Variants in WWOX observed in about 807,000 individuals in gnomAD.
WWOX encodes WW domain-containing oxidoreductase.
Under a neutral mutation model 46.2 loss-of-function variants are expected in WWOX, and 69 were observed. The ratio of observed to expected loss-of-function variants is 1.49; its 90% CI spans 1.23 to 1.82. The LOEUF is 1.82. WWOX is among the 40% of genes most tolerant of loss of function. The pLI, the probability that WWOX is intolerant of heterozygous loss-of-function variation, is 0.00. For synonymous variants in WWOX, 359 were observed against 202.6 expected, an observed-to-expected ratio of 1.77 and a Z score of -6.56; for missense variants, 919 against 542.6, an observed-to-expected ratio of 1.69 and a Z score of -6.89.
At chr16:78,535,208 T>C (rs2043729549) in intron 8 of WWOX, 1 of 152,196 alleles carries the variant, frequency 6.6e-6, no homozygotes, top group Non-Finnish European at 1.5e-5. Flanking sequence ...CAGGATCTGC[T>C]CAGGGAGATA....
intron 8 of WWOX, among the ~76,000 whole-genome samples, chr16:78,463,996 C>G (rs1336465531): frequency 6.6e-6 from 1 of 152,098 alleles, no homozygotes; most frequent in South Asian, 2.1e-4. Context: ...GGTTGTTGAT[C>G]TGGCGGTCAG....
In WWOX at chr16:78,501,253, TAAA is replaced by T. The variant is rs546816049; in HGVS notation, c.1056+68509_1056+68511del. Among the ~76,000 whole-genome samples, 762 of 122,820 alleles carry T rather than the reference TAAA, an allele frequency of 6.2e-3. 9 individuals carry two copies. Among genetic ancestry groups the T allele is most frequent in the African/African-American group, 0.021 (735 of 35,340 alleles). The allele number at this position is 122,820 out of a possible 152,430, so 80.6% of individuals were successfully genotyped here. A position where few individuals can be genotyped will look rare whatever the true frequency, so the allele number is the denominator to read the frequency against. ...ACCTGCATGTTGTAAAAACACAAAA[TAAA>T]AAAAAAATAAATAAAAGCAGACCCC... On this transcript the variant is annotated intron_variant, in intron 8 of 8. Transcript: ENST00000566780.
chr16:78,951,695 C>T (rs573345023), intron 8 of WWOX, among the ~76,000 whole-genome samples: 15 of 152,262 alleles, frequency 9.9e-5, no homozygotes, highest in Non-Finnish European at 1.9e-4. Context: ...CGGTTCTACC[C>T]AGTACCGGGG....
intron 8 of WWOX, among the ~76,000 whole-genome samples, chr16:78,947,381 C>CT (rs2045970394): frequency 1.3e-5 from 2 of 151,358 alleles, no homozygotes; most frequent in Non-Finnish European, 2.9e-5. Context: ...TCTTCCCCCC[C>CT]TTAGCTGTAT....
intron 8 of WWOX, among the ~76,000 whole-genome samples, chr16:78,569,339 A>G (rs921744084): frequency 6.6e-6 from 1 of 152,184 alleles, no homozygotes; most frequent in Non-Finnish European, 1.5e-5. Context: ...CACTGTTCAA[A>G]CTTGACATCC....
chr16:78,521,643 C>T (rs917901338), intron 8 of WWOX, among the ~76,000 whole-genome samples: 2 of 152,138 alleles, frequency 1.3e-5, no homozygotes, highest in Non-Finnish European at 2.9e-5. Context: ...AGAAATGGAA[C>T]ATCAATATTG....
chr16:79,114,797 C>G (rs1300617123), intron 8 of WWOX, among the ~76,000 whole-genome samples: 1 of 152,178 alleles, frequency 6.6e-6, no homozygotes, highest in Non-Finnish European at 1.5e-5. Flanking sequence ...CGAGCAGGAG[C>G]ACAGCTTCCA....
At chr16:78,594,763 A>T (rs943237669) in intron 8 of WWOX, among the ~76,000 whole-genome samples, 2 of 152,076 alleles carry the variant, frequency 1.3e-5, no homozygotes, top group South Asian at 2.1e-4. Flanking sequence ...TTAAGTTTTT[A>T]TTTATTTTAT....
intron 8 of WWOX, chr16:79,203,668 C>T (rs953712552): frequency 9.9e-5 from 15 of 152,188 alleles, no homozygotes; most frequent in East Asian, 7.7e-4. Flanking sequence ...TTCTAAAAGA[C>T]GTAATTTTGC....
At chr16:78,733,502 C>T (rs1381401413) in intron 8 of WWOX, among the ~76,000 whole-genome samples, 1 of 151,206 alleles carries the variant, frequency 6.6e-6, no homozygotes, top group African/African-American at 2.4e-5. Context: ...AATCCCAGCA[C>T]TCTGGGAGGA....
At chr16:79,015,653 C>T (rs1470212493) in intron 8 of WWOX, among the ~76,000 whole-genome samples, 2 of 152,194 alleles carry the variant, frequency 1.3e-5, no homozygotes, top group Non-Finnish European at 2.9e-5. Context: ...TTAGTCATGT[C>T]CCTAGTCCCT....
At chr16:78,782,384 C>G (rs1192466216) in intron 8 of WWOX, among the ~76,000 whole-genome samples, 1 of 152,190 alleles carries the variant, frequency 6.6e-6, no homozygotes, top group Non-Finnish European at 1.5e-5. Context: ...TAGGATTTCT[C>G]TTTCCCACAA....
intron 8 of WWOX, among the ~76,000 whole-genome samples, chr16:79,152,536 T>C (rs2050300930): frequency 6.6e-6 from 1 of 151,940 alleles, no homozygotes; most frequent in Admixed American, 6.6e-5. Flanking sequence ...CTGGGCGTGG[T>C]GGCGTGTTCC....
At chr16:78,807,979 C>T in intron 8 of WWOX, among the ~76,000 whole-genome samples, 1 of 152,192 alleles carries the variant, frequency 6.6e-6, no homozygotes, top group East Asian at 1.9e-4. Flanking sequence ...GACTGGTTCT[C>T]CTTTTTCTTT....
chr16:79,096,713 A>C (rs2049082036), intron 8 of WWOX, among the ~76,000 whole-genome samples: 1 of 152,192 alleles, frequency 6.6e-6, no homozygotes. Context: ...GCTCTTTGAG[A>C]ATGCTGGCTC....
chr16:78,923,200 C>T (rs762425777), intron 8 of WWOX, among the ~76,000 whole-genome samples: 2 of 151,978 alleles, frequency 1.3e-5, no homozygotes, highest in Non-Finnish European at 2.9e-5. Context: ...AGGCTGGTCT[C>T]AAACTCCCAA....
At chr16:78,990,528 C>A (rs1308547576) in intron 8 of WWOX, among the ~76,000 whole-genome samples, 1 of 152,242 alleles carries the variant, frequency 6.6e-6, no homozygotes, top group East Asian at 1.9e-4. Context: ...ATGCACATCA[C>A]ACTGACAACA....
intron 8 of WWOX, among the ~76,000 whole-genome samples, chr16:78,774,080 C>G (rs988009642): frequency 6.6e-6 from 1 of 152,142 alleles, no homozygotes; most frequent in Non-Finnish European, 1.5e-5. Flanking sequence ...CTAGGTCCTT[C>G]TGAAAGAAGG....
At chr16:78,992,140 C>T (rs1334077029) in intron 8 of WWOX, among the ~76,000 whole-genome samples, 1 of 152,160 alleles carries the variant, frequency 6.6e-6, no homozygotes, top group Non-Finnish European at 1.5e-5. Flanking sequence ...GTAATCCTGT[C>T]CTTGAGGCAT....
Sources: allele counts gnomAD v4.1 joint callset (sites outside exome capture counted in the v4.1 genomes callset), GRCh38; gene constraint gnomAD v4.1.1; transcripts MANE v1.5; gene names NCBI Gene and HGNC (gene_info 2026-07-23, HGNC 2026-07-21).